Variants in CADPS2 observed in about 807,000 individuals in gnomAD.
The protein encoded by CADPS2 is calcium dependent secretion activator 2.
Under a neutral mutation model 172.5 loss-of-function variants are expected in CADPS2, and 93 were observed. The ratio of observed to expected loss-of-function variants is 0.54; its 90% confidence interval spans 0.46 to 0.64. CADPS2 has a LOEUF of 0.64. CADPS2 is among the 30% of genes least tolerant of loss of function. The pLI is 0.00. For synonymous variants in CADPS2, 546 were observed against 555.2 expected (o/e 0.98, Z 0.23); for missense variants, 1,420 against 1,565.9 (o/e 0.91, Z 1.57).
chr7:122,789,629 A>G (rs1385573989), intron 1 of CADPS2, among the ~76,000 whole-genome samples: 2 of 152,238 alleles, frequency 1.3e-5, no homozygotes, highest in Admixed American at 6.5e-5. Context: ...GAAAGTAAAT[A>G]CAGTTAAAAA....
At chr7:122,590,797 A>T (rs992636119) in intron 6 of CADPS2, among the ~76,000 whole-genome samples, 1 of 151,934 alleles carries the variant, frequency 6.6e-6, no homozygotes, top group African/African-American at 2.4e-5. Context: ...CTGCAATACA[A>T]AATTCAAATT....
intron 7 of CADPS2, among the ~76,000 whole-genome samples, chr7:122,554,969 C>T (rs573345724): frequency 1.1e-4 from 16 of 152,098 alleles, no homozygotes; most frequent in African/African-American, 3.9e-4. Flanking sequence ...GTTGAATTGA[C>T]GTTGAAAAAT....
chr7:122,451,368 A>C lies in CADPS2; in HGVS notation c.2288+6T>G. The C allele has an allele frequency of 7.3e-7, 1 of 1,369,622 alleles. No individual in the cohort carries two copies. The allele number at this position is 1,369,622 out of a possible 1,614,324, so 84.8% of individuals were successfully genotyped here. ...GAAATATTTATATTAATAAAAAAAT[A>C]TATACCTGAAATGGCTTATCTGATT... On this transcript the variant is annotated splice_donor_region_variant and intron_variant, in intron 15 of 29. Transcript: ENST00000449022.
intron 25 of CADPS2, among the ~76,000 whole-genome samples, chr7:122,365,611 G>C (rs1404917931): frequency 6.6e-6 from 1 of 152,120 alleles, no homozygotes; most frequent in African/African-American, 2.4e-5. Context: ...AAACACTTAT[G>C]GGTTTGCCTT....
intron 9 of CADPS2, among the ~76,000 whole-genome samples, chr7:122,508,791 A>C (rs911972796): frequency 6.6e-6 from 1 of 152,080 alleles, no homozygotes; most frequent in Non-Finnish European, 1.5e-5. Flanking sequence ...AACTCCTTCA[A>C]ACAAGTTTGG....
intron 1 of CADPS2, among the ~76,000 whole-genome samples, chr7:122,773,930 C>T (rs899821910): frequency 2.0e-5 from 3 of 151,792 alleles, no homozygotes; most frequent in South Asian, 4.1e-4. Context: ...TGACAATAGA[C>T]GAATTATAAA....
chr7:122,591,124 C>T (rs969945757), intron 6 of CADPS2, among the ~76,000 whole-genome samples: 3 of 151,902 alleles, frequency 2.0e-5, no homozygotes, highest in Admixed American at 6.6e-5. Context: ...AGCTGATAAG[C>T]AACTTCAGCA....
chr7:122,590,849 T>C (rs941985766), intron 6 of CADPS2, among the ~76,000 whole-genome samples: 3 of 151,968 alleles, frequency 2.0e-5, no homozygotes, highest in African/African-American at 7.2e-5. Context: ...ACAAATACTA[T>C]TTCCCTTAAT....
intron 1 of CADPS2, among the ~76,000 whole-genome samples, chr7:122,829,770 A>ATATT (rs533096599): frequency 4.4e-4 from 67 of 151,894 alleles, no homozygotes; most frequent in Non-Finnish European, 8.8e-4. Context: ...CTATGTTATA[A>ATATT]TATTTATTTT....
chr7:122,366,200 CTTGT>C (rs914737358), intron 25 of CADPS2, among the ~76,000 whole-genome samples: 5 of 150,676 alleles, frequency 3.3e-5, no homozygotes, highest in Admixed American at 3.3e-4. Flanking sequence ...TAAAAATAAA[CTTGT>C]TTTAGTAACA....
chr7:122,619,229 A>G (rs1421321297), intron 5 of CADPS2, among the ~76,000 whole-genome samples: 1 of 152,156 alleles, frequency 6.6e-6, no homozygotes. Context: ...GAAAAGATAA[A>G]ATGTTCTGAA....
At chr7:122,323,489 T>C (rs910109618) in intron 29 of CADPS2, among the ~76,000 whole-genome samples, 6 of 152,080 alleles carry the variant, frequency 3.9e-5, no homozygotes, top group African/African-American at 1.4e-4. Flanking sequence ...TCTTAGCAAA[T>C]TTCAAGTATA....
intron 14 of CADPS2, among the ~76,000 whole-genome samples, chr7:122,457,165 T>C (rs1263971084): frequency 1.3e-5 from 2 of 152,094 alleles, no homozygotes; most frequent in East Asian, 1.9e-4. Flanking sequence ...AACTACACTA[T>C]AGGGTAAGAA....
intron 1 of CADPS2, among the ~76,000 whole-genome samples, chr7:122,819,699 CTAAAT>C (rs1802565322): frequency 6.6e-6 from 1 of 152,072 alleles, no homozygotes; most frequent in Non-Finnish European, 1.5e-5. Flanking sequence ...GACACTTTAA[CTAAAT>C]TATCTGCTTC....
rs200667006 is a variant in CADPS2 at position 122,702,152 on chromosome 7, G to A, written c.453+34803C>T. 1.9e-6 allele frequency: 3 copies of A among 1,613,668 alleles called. No individual in the cohort carries two copies. The African/African-American group carries it at 4.0e-5, about 22-fold the overall frequency. On this transcript the variant is annotated intron_variant, in intron 2 of 29. Transcript: ENST00000449022. ...ATCTAAGTAAAAGTAGGCAATTGTGGCAGCCAGGAAGGTAAATAGATACAT... is the reference window on the plus strand; with the variant it reads ...ATCTAAGTAAAAGTAGGCAATTGTGACAGCCAGGAAGGTAAATAGATACAT...
chr7:122,480,787 C>A, intron 12 of CADPS2, 65 bp downstream of exon 12: 1 of 1,125,416 alleles, frequency 8.9e-7, no homozygotes, highest in Admixed American at 2.3e-5. Flanking sequence ...CATGATATTC[C>A]TCAAACATAG....
Position 122,474,474 on chromosome 7 carries a change from A to C in CADPS2, c.1905T>G (p.Ser635=). 6.2e-7 allele frequency: 1 copy of C among 1,613,434 alleles called. No homozygotes were observed. The highest frequency in any genetic ancestry group is 8.5e-7 in the Non-Finnish European group (1 of 1,179,634). ...CATGATCAAGCTTGCAGGGGTTTGCAGAAATAAACTCATCCATACCATGTT... is the reference window on the plus strand; with the variant it reads ...CATGATCAAGCTTGCAGGGGTTTGCCGAAATAAACTCATCCATACCATGTT... The part of the protein sequence containing the change: ...FQKHGMDEFI[S]ANPCKLDHAF... Residue 635 remains serine, a synonymous_variant, in exon 13 of 30, where the codon TCT becomes TCG. Transcript: ENST00000449022.
intron 1 of CADPS2, among the ~76,000 whole-genome samples, chr7:122,885,558 T>C (rs533457025): frequency 6.6e-6 from 1 of 152,270 alleles, no homozygotes; most frequent in South Asian, 2.1e-4. Context: ...GTACTCGGGC[T>C]CCACCTGTTT....
chr7:122,471,317 T>C, intron 14 of CADPS2, 58 bp downstream of exon 14: 1 of 1,423,754 alleles, frequency 7.0e-7, no homozygotes. Flanking sequence ...AGCACATTTT[T>C]CTCTCTTTTC....
Sources: allele counts gnomAD v4.1 joint callset (sites outside exome capture counted in the v4.1 genomes callset), GRCh38; gene constraint gnomAD v4.1.1; transcripts MANE v1.5; gene names NCBI Gene and HGNC (gene_info 2026-07-23, HGNC 2026-07-21).